RAB17: variants seen among roughly 807,000 people sequenced by gnomAD.
RAB17 encodes the protein ras-related protein Rab-17.
RAB17 carries 15 observed loss-of-function variants against 19.3 expected under a neutral mutation model. The ratio of observed to expected loss-of-function variants is 0.78; its 90% CI spans 0.52 to 1.20. The LOEUF (loss-of-function observed/expected upper bound fraction) is 1.20, where lower values mean the gene tolerates loss of function less well. Ranked by LOEUF, RAB17 falls within the 50% of genes most tolerant of loss-of-function variation. The pLI is 0.00. For synonymous variants in RAB17, 110 were observed against 112.8 expected, an observed-to-expected ratio of 0.97 and a Z score of 0.16; for missense variants, 262 against 269.3, an observed-to-expected ratio of 0.97 and a Z score of 0.19.
chr2:237,580,942 G>C (rs1023259841), intron 2 of RAB17, among the ~76,000 whole-genome samples: 41 of 152,292 alleles, frequency 2.7e-4, no homozygotes, highest in Admixed American at 1.8e-3. Flanking sequence ...AGGCCCTCAG[G>C]TGGGCCCCTG....
At chr2:237,590,280 C>T (rs1174445436) in intron 1 of RAB17, among the ~76,000 whole-genome samples, 187 bp downstream of exon 1, 10 of 152,024 alleles carry the variant, frequency 6.6e-5, no homozygotes, top group East Asian at 1.9e-4. Context: ...AGGAAGTCTC[C>T]GCCCCAGCTT....
In RAB17 at chr2:237,575,108, T is replaced by C. The variant is rs34311889; in HGVS notation, c.550A>G (p.Ser184Gly). Reference protein sequence around the residue: ...NTVAQELLQRSDEEGQALRGD... With the variant: ...NTVAQELLQRGDEEGQALRGD... ...CGTAGAGCCTGGCCCTCCTCGTCGC[T>C]TCTCTGCAGTAGCTCTTGGGCTGTG... Residue 184 changes from serine (S) to glycine (G), a missense_variant, in exon 6 of 6, where the codon AGC becomes GGC. Coordinates refer to ENST00000264601, the MANE Select transcript of RAB17 (RefSeq NM_022449.4). 35,182 of 1,613,114 alleles carry C rather than the reference T, an allele frequency of 0.022. 5,822 individuals are homozygous for C. The African/African-American group carries it at 0.39, about 18-fold the overall frequency.
At chr2:237,580,177 T>C (rs750016884) in intron 2 of RAB17, among the ~76,000 whole-genome samples, 16 of 152,214 alleles carry the variant, frequency 1.1e-4, no homozygotes, top group Non-Finnish European at 2.1e-4. Context: ...TCACCCAGGG[T>C]GGCTGTTAAA....
chr2:237,577,207 A>G (rs779374473), intron 4 of RAB17, 50 bp downstream of exon 4: 15 of 1,572,774 alleles, frequency 9.5e-6, no homozygotes, highest in Non-Finnish European at 1.2e-5. Flanking sequence ...ACAGGCGGGC[A>G]GGGCTCTCTC....
At chr2:237,576,225 C>T (rs1188367777) in intron 4 of RAB17, among the ~76,000 whole-genome samples, 3 of 152,174 alleles carry the variant, frequency 2.0e-5, no homozygotes, top group African/African-American at 7.2e-5. Context: ...TCCTCCTGTC[C>T]TGGCCCGGAG....
chr2:237,578,663 AC>A (rs1182258596), intron 2 of RAB17: 5 of 154,874 alleles, frequency 3.2e-5, no homozygotes, highest in African/African-American at 1.2e-4. Flanking sequence ...GCTGCTCCCC[AC>A]CAACACCCTT....
At chr2:237,585,900 T>G (rs934472732) in intron 2 of RAB17, 98 bp downstream of exon 2, 35 of 1,317,818 alleles carry the variant, frequency 2.7e-5, no homozygotes, top group Non-Finnish European at 3.6e-5. Flanking sequence ...AGCATGGGGA[T>G]TCCTAGGTGG....
intron 2 of RAB17, chr2:237,585,303 A>G (rs544481232): frequency 6.0e-6 from 1 of 167,868 alleles, no homozygotes; most frequent in East Asian, 1.9e-4. Flanking sequence ...CCCAGGGGGA[A>G]TGGGCATAAA....
At chr2:237,576,559 G>A (rs756402612) in intron 4 of RAB17, 2 of 470,890 alleles carry the variant, frequency 4.2e-6, no homozygotes, top group African/African-American at 2.0e-5. Flanking sequence ...CATTGAAGCT[G>A]GGGCCTTTTC....
chr2:237,581,884 A>C (rs948738979), intron 2 of RAB17, among the ~76,000 whole-genome samples: 2 of 152,232 alleles, frequency 1.3e-5, no homozygotes, highest in African/African-American at 4.8e-5. Flanking sequence ...GCACACAAGC[A>C]CTAGATGTCA....
At chr2:237,577,526 T>C in intron 3 of RAB17, 144 bp from the exon 4 acceptor site, 2 of 943,470 alleles carry the variant, frequency 2.1e-6, no homozygotes, top group Non-Finnish European at 3.1e-6. Flanking sequence ...GCAGGGCTGC[T>C]CCGTTCCTCT....
Position 237,574,955 on chromosome 2 carries a change from A to G in RAB17, c.*64T>C. 7.9e-7 allele frequency: 1 copy of G among 1,267,188 alleles called. No individual in the cohort carries two copies. The highest frequency in any genetic ancestry group is 1.1e-6 in the Non-Finnish European group (1 of 916,040). 78.5% of individuals were successfully genotyped at this position (1,267,188 alleles called of 1,614,324 possible). On this transcript the variant is annotated 3_prime_UTR_variant, in exon 6 of 6. Coordinates refer to ENST00000264601, the MANE Select transcript of RAB17 (RefSeq NM_022449.4). ...CAGCATTGACAGTGAATCAGAATCC[A>G]CCTAGAGCTGGCCATGGCCCAGGCA...
At chr2:237,585,453 CTTT>C (rs1466691055) in intron 2 of RAB17, 1 of 169,246 alleles carries the variant, frequency 5.9e-6, no homozygotes, top group African/African-American at 2.4e-5. Flanking sequence ...ACAGGTTAGC[CTTT>C]TTAAGAAACA....
Position 237,574,958 on chromosome 2 carries a change from T to A in RAB17, c.*61A>T. The A allele has an allele frequency of 7.7e-7, 1 of 1,290,568 alleles. No homozygotes were observed. Among genetic ancestry groups the A allele is most frequent in the Non-Finnish European group, 1.1e-6 (1 of 934,498 alleles). The allele number at this position is 1,290,568 out of a possible 1,614,324, so 79.9% of individuals were successfully genotyped here. ...CATTGACAGTGAATCAGAATCCACC[T>A]AGAGCTGGCCATGGCCCAGGCAGGG... On this transcript the variant is annotated 3_prime_UTR_variant, in exon 6 of 6. Coordinates refer to ENST00000264601, the MANE Select transcript of RAB17 (RefSeq NM_022449.4).
Position 237,575,875 on chromosome 2 carries a change from C to T in RAB17, c.436-395G>A, listed in dbSNP as rs2081258296. On this transcript the variant is annotated intron_variant, in intron 4 of 5. Transcript: ENST00000264601. Reference sequence around the variant, plus strand: ...GACGGCACCCACCTGGGCCCTTCTTCTGGGGAACCCTCATTTTCCAACACA... The same window carrying T: ...GACGGCACCCACCTGGGCCCTTCTTTTGGGGAACCCTCATTTTCCAACACA... 1.6e-5 allele frequency: 3 copies of T among 191,096 alleles called. No homozygotes were observed. In the South Asian group the frequency reaches 4.4e-4, roughly 28 times the overall value. 11.8% of individuals were successfully genotyped at this position (191,096 alleles called of 1,614,324 possible).
intron 2 of RAB17, among the ~76,000 whole-genome samples, chr2:237,581,806 G>T (rs191502191): frequency 2.0e-4 from 30 of 152,342 alleles, no homozygotes; most frequent in African/African-American, 7.2e-4. Context: ...GTACCTGTTT[G>T]TCACCGTCCC....
At chr2:237,578,969 G>A (rs2081288379) in intron 2 of RAB17, 1 of 150,896 alleles carries the variant, frequency 6.6e-6, no homozygotes, top group Non-Finnish European at 1.5e-5. Flanking sequence ...TAACATATTG[G>A]GCAATGCACT....
At chr2:237,576,891 A>G (rs2149181750) in intron 4 of RAB17, among the ~76,000 whole-genome samples, 1 of 152,120 alleles carries the variant, frequency 6.6e-6, no homozygotes, top group African/African-American at 2.4e-5. Flanking sequence ...AGCCGAGCCC[A>G]CCCTGCAGCT....
chr2:237,583,910 C>T (rs2081328016), intron 2 of RAB17, among the ~76,000 whole-genome samples: 1 of 152,006 alleles, frequency 6.6e-6, no homozygotes, highest in African/African-American at 2.4e-5. Context: ...TAGAGTGAGA[C>T]ATACAGGCCT....
Sources: allele counts gnomAD v4.1 joint callset (sites outside exome capture counted in the v4.1 genomes callset), GRCh38; gene constraint gnomAD v4.1.1; transcripts MANE v1.5; gene names NCBI Gene and HGNC (gene_info 2026-07-23, HGNC 2026-07-21).